GTF2A1L: variants seen among roughly 807,000 people sequenced by gnomAD.
GTF2A1L encodes the protein general transcription factor IIA subunit 1 like.
GTF2A1L carries 48 observed loss-of-function variants against 49.7 expected under a neutral mutation model. That is an observed-to-expected ratio of 0.97 (90% CI 0.77 to 1.23). GTF2A1L has a LOEUF of 1.23. Among genes scored for constraint, GTF2A1L ranks in the 50% most tolerant of loss-of-function variants. GTF2A1L has a pLI of 0.00. For missense variants in GTF2A1L, 736 were observed against 564.8 expected, an observed-to-expected ratio of 1.30 and a Z score of -3.07; for synonymous variants, 246 against 193.5, an observed-to-expected ratio of 1.27 and a Z score of -2.25.
chr2:48,650,469 A>G (rs1260637765), intron 6 of GTF2A1L, among the ~76,000 whole-genome samples: 1 of 152,206 alleles, frequency 6.6e-6, no homozygotes, highest in Non-Finnish European at 1.5e-5. Context: ...AAATGGAGTG[A>G]GAGGATAAGA....
At position 48,679,277 on chromosome 2, in the gene GTF2A1L, T is replaced by G. The variant is rs145099110; in HGVS notation, c.1330-58T>G. ...AATCCCATTTACTGTAGCAGAGAAA[T>G]GCAGGTGATCCTTTAACTTGTAAAA... is the stretch of plus-strand genomic sequence containing the variant. On this transcript the variant is annotated intron_variant, in intron 8 of 8. Coordinates refer to ENST00000403751, the MANE Select transcript of GTF2A1L (RefSeq NM_006872.5). 459 of 1,577,612 alleles carry G rather than the reference T, an allele frequency of 2.9e-4. 1 individual carries two copies. In the African/African-American group the frequency reaches 5.6e-3, roughly 19 times the overall value.
intron 8 of GTF2A1L, among the ~76,000 whole-genome samples, chr2:48,676,345 T>G (rs1679464858): frequency 6.6e-6 from 1 of 151,872 alleles, no homozygotes; most frequent in African/African-American, 2.4e-5. Context: ...TGTGCAGATA[T>G]ATCTATTAAA....
intron 5 of GTF2A1L, 82 bp downstream of exon 5, chr2:48,645,199 A>G (rs1223423022): frequency 1.1e-5 from 13 of 1,208,458 alleles, no homozygotes; most frequent in Non-Finnish European, 1.3e-5. Context: ...TTTTAAATAA[A>G]CTATATACCA....
intron 1 of GTF2A1L, among the ~76,000 whole-genome samples, chr2:48,619,709 T>G (rs1171294555): frequency 1.3e-5 from 2 of 152,328 alleles, no homozygotes; most frequent in East Asian, 3.9e-4. Context: ...TAAGTCAGTA[T>G]TGTCAGCACA....
At chr2:48,641,725 C>G (rs890363112) in intron 3 of GTF2A1L, among the ~76,000 whole-genome samples, 1 of 152,018 alleles carries the variant, frequency 6.6e-6, no homozygotes, top group Non-Finnish European at 1.5e-5. Context: ...GCTGGTCAAT[C>G]TTTGAGATGT....
At chr2:48,665,258 A>G (rs538735741) in intron 6 of GTF2A1L, among the ~76,000 whole-genome samples, 1 of 143,586 alleles carries the variant, frequency 7.0e-6, no homozygotes, top group East Asian at 2.0e-4. Flanking sequence ...CAAAGAATGG[A>G]CTTTTGACCT....
intron 3 of GTF2A1L, among the ~76,000 whole-genome samples, chr2:48,622,845 A>T (rs1350939490): frequency 1.3e-5 from 2 of 151,588 alleles, no homozygotes; most frequent in Admixed American, 1.3e-4. Context: ...AAAAAAAAAA[A>T]AAAAAGCATG....
At chr2:48,653,220 CA>C (rs568400398) in intron 6 of GTF2A1L, among the ~76,000 whole-genome samples, 994 of 88,138 alleles carry the variant, frequency 0.011, 9 homozygotes, top group African/African-American at 0.029. Flanking sequence ...GACTCTGTCT[CA>C]AAAAAAAAAA....
chr2:48,619,983 A>G (rs896586570), intron 1 of GTF2A1L, among the ~76,000 whole-genome samples: 1 of 152,198 alleles, frequency 6.6e-6, no homozygotes, highest in Non-Finnish European at 1.5e-5. Flanking sequence ...GTATTTGATA[A>G]TGGTCCAGAA....
At chr2:48,652,569 C>G (rs535092436) in intron 6 of GTF2A1L, among the ~76,000 whole-genome samples, 1 of 151,270 alleles carries the variant, frequency 6.6e-6, no homozygotes, top group African/African-American at 2.4e-5. Context: ...GAGCCAAGAT[C>G]GTCCCACTGC....
intron 8 of GTF2A1L, 93 bp from the exon 9 acceptor site, chr2:48,679,242 G>A (rs1201857984): frequency 1.3e-5 from 19 of 1,478,666 alleles, no homozygotes; most frequent in African/African-American, 2.9e-5. Flanking sequence ...CTCACATTTC[G>A]GGTGAGAATA....
At chr2:48,676,568 C>G (rs1679479145) in intron 8 of GTF2A1L, among the ~76,000 whole-genome samples, 1 of 151,598 alleles carries the variant, frequency 6.6e-6, no homozygotes, top group South Asian at 2.1e-4. Context: ...ATTATTTGGT[C>G]TTATATTTAG....
chr2:48,664,579 GCTATGT>G, intron 6 of GTF2A1L, among the ~76,000 whole-genome samples: 1 of 152,170 alleles, frequency 6.6e-6, no homozygotes, highest in South Asian at 2.1e-4. Context: ...AGAATGAATT[GCTATGT>G]ATCTGTATCT....
At chr2:48,665,065 G>A (rs1255450367) in intron 6 of GTF2A1L, among the ~76,000 whole-genome samples, 1 of 151,998 alleles carries the variant, frequency 6.6e-6, no homozygotes, top group Admixed American at 6.6e-5. Context: ...GGGATTACAG[G>A]TGTGTGCCAC....
At chr2:48,649,409 G>T (rs976968125) in intron 6 of GTF2A1L, among the ~76,000 whole-genome samples, 4 of 152,106 alleles carry the variant, frequency 2.6e-5, no homozygotes, top group African/African-American at 9.7e-5. Context: ...TAATTTATCA[G>T]TGTGTAGTCT....
rs745526320 is a variant in GTF2A1L at position 48,646,500 on chromosome 2, G to A, written c.436G>A (p.Gly146Arg). 1.1e-5 allele frequency: 18 copies of A among 1,613,374 alleles called. No homozygotes were observed. In the South Asian group the frequency reaches 1.9e-4, roughly 17 times the overall value. The change falls in exon 6 of 9, where the codon GGA (glycine) becomes AGA (arginine). Residue 146 changes from glycine (G) to arginine (R), a missense_variant. Gly to Arg is a moderately radical substitution (Grantham distance 125). Transcript: ENST00000403751. The stretch of plus-strand genomic sequence containing the variant: ...ACCAATTATGGTGACAGAGACTTCT[G>A]GAAGAGCAGGTATTCTTCAGCATCC... The part of the protein sequence containing the change: ...NVPIMVTETS[G>R]RAGILQHPIQ...
intron 3 of GTF2A1L, among the ~76,000 whole-genome samples, chr2:48,624,431 A>G (rs1676188521): frequency 7.4e-6 from 1 of 135,734 alleles, no homozygotes; most frequent in South Asian, 2.7e-4. Flanking sequence ...ATTTTATTGT[A>G]TGTAAGGTGT....
intron 3 of GTF2A1L, among the ~76,000 whole-genome samples, chr2:48,640,461 T>C (rs1173023984): frequency 6.6e-6 from 1 of 152,134 alleles, no homozygotes; most frequent in Non-Finnish European, 1.5e-5. Context: ...ATACTGCATG[T>C]TCTAAGTGGG....
intron 3 of GTF2A1L, among the ~76,000 whole-genome samples, chr2:48,638,290 C>T (rs545539488): frequency 6.5e-4 from 99 of 152,258 alleles, no homozygotes; most frequent in Non-Finnish European, 1.0e-3. Context: ...AACCTTCAGG[C>T]CAATATTCCT....
Sources: gnomAD v4.1 joint callset for allele counts (sites outside exome capture counted in the v4.1 genomes callset) on GRCh38, gnomAD v4.1.1 for gene constraint, MANE v1.5 for transcripts, NCBI Gene and HGNC (gene_info 2026-07-23, HGNC 2026-07-21) for gene names.